Variants in SCLT1 observed in about 807,000 individuals in gnomAD.
The protein encoded by SCLT1 is sodium channel and clathrin linker 1, also known as sodium channel-associated protein 1.
In SCLT1, 78 loss-of-function variants were observed where a neutral mutation model predicts 112.8. The ratio of observed to expected loss-of-function variants is 0.69; its 90% confidence interval spans 0.58 to 0.83. SCLT1 has a LOEUF of 0.83. Among genes scored for constraint, SCLT1 ranks in the 40% least tolerant of loss-of-function variants. The pLI, the probability that SCLT1 is intolerant of heterozygous loss-of-function variation, is 0.00. For missense variants in SCLT1, 747 were observed against 770.4 expected (o/e 0.97, Z 0.36); for synonymous variants, 257 against 254.7 (o/e 1.01, Z -0.09).
intron 8 of SCLT1, chr4:128,997,389 G>A (rs1252928919): frequency 1.3e-5 from 2 of 151,744 alleles, no homozygotes; most frequent in Admixed American, 1.3e-4. Flanking sequence ...AAAAGTGAGA[G>A]AATAAGAAGG....
intron 5 of SCLT1, among the ~76,000 whole-genome samples, chr4:129,012,294 TCATTCA>T (rs1187366256): frequency 2.4e-4 from 37 of 152,238 alleles, no homozygotes; most frequent in African/African-American, 6.5e-4. Context: ...TACCCAAACG[TCATTCA>T]GGAGTAGGTT....
rs1233192026 is a variant in SCLT1, at chr4:129,082,705, C to T, written c.35-332G>A. ...ATATATTCTCCACATCTTATTACTA[C>T]TACTAAAATTGAGAAGCATTGGGAA... On this transcript the variant is annotated intron_variant, in intron 1 of 20. Transcript: ENST00000281142. Among the ~76,000 whole-genome samples the T allele has an allele frequency of 3.9e-5, 6 of 152,278 alleles. No homozygotes were observed. The East Asian group carries it at 9.6e-4, about 24-fold the overall frequency.
intron 9 of SCLT1, among the ~76,000 whole-genome samples, chr4:128,982,795 C>A (rs1741775033): frequency 6.6e-6 from 1 of 152,086 alleles, no homozygotes; most frequent in Admixed American, 6.5e-5. Flanking sequence ...AGCTACCGCA[C>A]CTGGCCAGCT....
chr4:129,042,454 G>C (rs1747782382), intron 4 of SCLT1, among the ~76,000 whole-genome samples: 1 of 152,044 alleles, frequency 6.6e-6, no homozygotes, highest in Non-Finnish European at 1.5e-5. Flanking sequence ...AATCCATTCT[G>C]CAAGTAATGG....
intron 5 of SCLT1, among the ~76,000 whole-genome samples, chr4:129,031,532 G>T (rs1446153711): frequency 6.6e-6 from 1 of 152,130 alleles, no homozygotes; most frequent in Non-Finnish European, 1.5e-5. Flanking sequence ...GTGTCTGTTT[G>T]ACTGCAACAT....
chr4:128,957,225 C>G (rs1739296573), intron 12 of SCLT1, 101 bp from the exon 13 acceptor site: 9 of 609,230 alleles, frequency 1.5e-5, no homozygotes, highest in Non-Finnish European at 2.3e-5. Context: ...TTCAAAACTT[C>G]TGGGACATCT....
intron 9 of SCLT1, among the ~76,000 whole-genome samples, chr4:128,989,371 T>G (rs2126064895): frequency 6.6e-6 from 1 of 151,968 alleles, no homozygotes; most frequent in South Asian, 2.1e-4. Flanking sequence ...CGCTCCTAAA[T>G]GACCATTGGG....
chr4:128,946,374 G>C (rs1216410812), intron 15 of SCLT1, among the ~76,000 whole-genome samples: 1 of 152,088 alleles, frequency 6.6e-6, no homozygotes, highest in Non-Finnish European at 1.5e-5. Context: ...TTTGAGACCA[G>C]CCTGGGCAAC....
intron 18 of SCLT1, among the ~76,000 whole-genome samples, chr4:128,907,049 C>T (rs1043997414): frequency 1.1e-4 from 16 of 146,876 alleles, no homozygotes; most frequent in African/African-American, 3.3e-4. Context: ...CAGTCAAATC[C>T]GTGTGTGAAG....
intron 11 of SCLT1, among the ~76,000 whole-genome samples, chr4:128,961,370 T>C (rs1413955274): frequency 6.8e-6 from 1 of 146,622 alleles, no homozygotes; most frequent in African/African-American, 2.4e-5. Flanking sequence ...TATGCAAATA[T>C]CATATATGCA....
At chr4:129,001,768 A>G (rs186930729) in intron 6 of SCLT1, among the ~76,000 whole-genome samples, 1 of 152,168 alleles carries the variant, frequency 6.6e-6, no homozygotes, top group African/African-American at 2.4e-5. Context: ...TATACACTAC[A>G]CAGCACCTTT....
intron 16 of SCLT1, among the ~76,000 whole-genome samples, chr4:128,945,572 G>A (rs987817989): frequency 6.6e-6 from 1 of 151,892 alleles, no homozygotes; most frequent in South Asian, 2.1e-4. Context: ...CGTCGGGGTG[G>A]GGAGGTAGAA....
intron 5 of SCLT1, among the ~76,000 whole-genome samples, chr4:129,009,570 G>C (rs1744340814): frequency 6.6e-6 from 1 of 150,882 alleles, no homozygotes; most frequent in Non-Finnish European, 1.5e-5. Context: ...GGCTGAACTA[G>C]TTTCTGTTTC....
chr4:128,988,822 G>C (rs974694254), intron 9 of SCLT1, among the ~76,000 whole-genome samples: 1 of 151,836 alleles, frequency 6.6e-6, no homozygotes, highest in African/African-American at 2.4e-5. Context: ...AAAAGAGCAA[G>C]AGTAGCTATA....
chr4:128,993,957 G>C (rs145748793), intron 8 of SCLT1, among the ~76,000 whole-genome samples: 29 of 152,114 alleles, frequency 1.9e-4, no homozygotes, highest in African/African-American at 6.7e-4. Flanking sequence ...TACCATTCAT[G>C]TCAGAGCATA....
chr4:128,960,173 CTCT>C (rs1739561197), intron 11 of SCLT1, among the ~76,000 whole-genome samples: 2 of 152,072 alleles, frequency 1.3e-5, no homozygotes, highest in Non-Finnish European at 1.5e-5. Context: ...TTTCTCTTTT[CTCT>C]CCTTTCATAC....
Position 128,892,618 on chromosome 4 carries a change from T to TA in SCLT1, c.1830-1482dup, listed in dbSNP as rs1164528134. Among the ~76,000 whole-genome samples the TA allele has an allele frequency of 9.6e-4, 146 of 152,352 alleles. 1 individual carries two copies. The highest frequency in any genetic ancestry group is 1.6e-4 in the Non-Finnish European group (11 of 68,030). The stretch of plus-strand genomic sequence containing the variant: ...TTGCTAAAAATAACAAGTAATTTGT[T>TA]ATAAATATATAAAACAGAAAGCAAT... On this transcript the variant is annotated intron_variant, in intron 18 of 20. Coordinates refer to ENST00000281142, the MANE Select transcript of SCLT1 (RefSeq NM_144643.4).
intron 19 of SCLT1, 131 bp downstream of exon 19, chr4:128,890,928 T>G (rs193198051): frequency 4.9e-6 from 3 of 611,776 alleles, no homozygotes; most frequent in Non-Finnish European, 8.7e-6. Context: ...TGTGGGCTTT[T>G]AGGGTTATGG....
intron 18 of SCLT1, among the ~76,000 whole-genome samples, chr4:128,929,377 T>C (rs964381456): frequency 2.6e-5 from 4 of 152,318 alleles, no homozygotes; most frequent in Admixed American, 2.0e-4. Context: ...TTTAATTATG[T>C]TGCTTGTTCT....
Sources: allele counts gnomAD v4.1 joint callset (sites outside exome capture counted in the v4.1 genomes callset), GRCh38; gene constraint gnomAD v4.1.1; transcripts MANE v1.5; gene names NCBI Gene and HGNC (gene_info 2026-07-23, HGNC 2026-07-21).